SOX5: variants seen among roughly 807,000 people sequenced by gnomAD.
The protein encoded by SOX5 is transcription factor SOX-5.
SOX5 carries 9 observed loss-of-function variants against 92.0 expected under a neutral mutation model. The observed-to-expected ratio is 0.10, with a 90% CI of 0.06 to 0.17. The LOEUF is 0.17. Among genes scored for constraint, SOX5 ranks in the 10% least tolerant of loss-of-function variants. The pLI, the probability that SOX5 is intolerant of heterozygous loss-of-function variation, is 1.00. For synonymous variants in SOX5, 344 were observed against 336.3 expected (o/e 1.02, Z -0.25); for missense variants, 642 against 944.5 (o/e 0.68, Z 4.20).
chr12:24,241,270 A>C (rs1034416061), intron 3 of SOX5, among the ~76,000 whole-genome samples: 7 of 152,180 alleles, frequency 4.6e-5, no homozygotes, highest in Non-Finnish European at 7.4e-5. Context: ...TTTGGGCACA[A>C]CTTAAAATAG....
intron 6 of SOX5, among the ~76,000 whole-genome samples, chr12:23,700,924 C>G (rs1372140800): frequency 6.6e-6 from 1 of 151,304 alleles, no homozygotes; most frequent in Admixed American, 6.6e-5. Context: ...TATATATACA[C>G]ATATACATAT....
chr12:23,648,536 T>C (rs766441479), intron 7 of SOX5, among the ~76,000 whole-genome samples: 5 of 152,170 alleles, frequency 3.3e-5, no homozygotes, highest in African/African-American at 1.2e-4. Context: ...CAAATATGTC[T>C]GGTGTTCTTA....
intron 2 of SOX5, among the ~76,000 whole-genome samples, chr12:23,877,742 T>C (rs983870427): frequency 4.6e-5 from 7 of 152,064 alleles, no homozygotes; most frequent in African/African-American, 1.7e-4. Flanking sequence ...GCAGAACCTT[T>C]TTCTTGGACA....
intron 4 of SOX5, among the ~76,000 whole-genome samples, chr12:24,030,356 C>G (rs1453249336): frequency 1.3e-5 from 2 of 151,612 alleles, no homozygotes; most frequent in African/African-American, 2.4e-5. Context: ...ACACGTAGAC[C>G]AATGGGGCAT....
At chr12:23,774,713 T>C (rs1013728339) in intron 3 of SOX5, among the ~76,000 whole-genome samples, 2 of 152,144 alleles carry the variant, frequency 1.3e-5, no homozygotes, top group Non-Finnish European at 2.9e-5. Flanking sequence ...AAAAGAGCAA[T>C]TGTGCACTGA....
rs116677333 is a variant in SOX5 at position 23,666,834 on chromosome 12, A to G, written c.811-1270T>C. On this transcript the variant is annotated intron_variant, in intron 6 of 14. Transcript: ENST00000451604. ...GAAACAAATACACAAAGATAATTAC[A>G]TATTTATTCAGTCACTAATCCTAAC... Among the ~76,000 whole-genome samples, 1,079 of 152,272 alleles carry G rather than the reference A, an allele frequency of 7.1e-3. 9 individuals are homozygous for G. Among genetic ancestry groups the G allele is most frequent in the African/African-American group, 0.025 (1,031 of 41,554 alleles).
chr12:24,418,357 T>C (rs1246195548), intron 1 of SOX5, among the ~76,000 whole-genome samples: 1 of 152,214 alleles, frequency 6.6e-6, no homozygotes, highest in East Asian at 1.9e-4. Context: ...TGATTGGTTG[T>C]AAATCCAGGC....
chr12:23,958,529 A>G (rs1359333319), intron 4 of SOX5, among the ~76,000 whole-genome samples: 1 of 152,030 alleles, frequency 6.6e-6, no homozygotes, highest in Non-Finnish European at 1.5e-5. Context: ...TAAAAATACA[A>G]GGACAAAAAT....
intron 7 of SOX5, among the ~76,000 whole-genome samples, chr12:23,653,063 GA>G (rs1381545250): frequency 6.6e-6 from 1 of 151,864 alleles, no homozygotes; most frequent in Non-Finnish European, 1.5e-5. Flanking sequence ...TGGATGGATG[GA>G]TGGATGGATG....
intron 1 of SOX5, among the ~76,000 whole-genome samples, chr12:24,410,353 G>T (rs1035962551): frequency 6.6e-6 from 1 of 152,122 alleles, no homozygotes; most frequent in African/African-American, 2.4e-5. Flanking sequence ...TTTTCCTCCA[G>T]CTTTTGGTAT....
chr12:23,896,631 A>G (rs2137748253), intron 1 of SOX5, among the ~76,000 whole-genome samples: 1 of 152,112 alleles, frequency 6.6e-6, no homozygotes, highest in Non-Finnish European at 1.5e-5. Context: ...GTTAATCTTA[A>G]AACATTTGAG....
At chr12:23,715,092 G>T (rs1357288419) in intron 6 of SOX5, among the ~76,000 whole-genome samples, 3 of 152,054 alleles carry the variant, frequency 2.0e-5, no homozygotes, top group African/African-American at 2.4e-5. Flanking sequence ...GAGGTCAGGA[G>T]ATCAAGACCA....
At position 23,587,703 on chromosome 12, in the gene SOX5, G is replaced by A. The variant is rs552683037; in HGVS notation, c.1165-11865C>T. 3.1e-4 allele frequency among the ~76,000 whole-genome samples: 47 copies of A among 152,046 alleles called. No individual in the cohort carries two copies. In the Middle Eastern group the frequency reaches 0.014, roughly 44 times the overall value. ...TTTATATCAAAAGAATACATATTTC[G>A]AATAAACACCATAAACATCCTTAAC... On this transcript the variant is annotated intron_variant, in intron 9 of 14. Transcript: ENST00000451604.
rs527565802 is a variant in SOX5 at position 24,040,894 on chromosome 12, T to A, written c.-1-144870A>T. Among the ~76,000 whole-genome samples, 5 of 151,678 alleles carry A rather than the reference T, an allele frequency of 3.3e-5. No homozygotes were observed. The South Asian group carries it at 1.0e-3, about 32-fold the overall frequency. On this transcript the variant is annotated intron_variant, in intron 4 of 4. Transcript: ENST00000446891. ...TCTCAAGGAAAAAACAAAAAAAAAA[T>A]TCATTTAATGGTAGAATACTTGCTT...
At chr12:23,605,019 A>G (rs945569222) in intron 8 of SOX5, among the ~76,000 whole-genome samples, 6 of 103,430 alleles carry the variant, frequency 5.8e-5, no homozygotes, top group Non-Finnish European at 1.0e-4. Context: ...CAGAAAAGGC[A>G]CTGAAAGGCA....
At chr12:23,626,760 T>C (rs1566487621) in intron 8 of SOX5, among the ~76,000 whole-genome samples, 1 of 146,950 alleles carries the variant, frequency 6.8e-6, no homozygotes, top group Non-Finnish European at 1.5e-5. Flanking sequence ...ATAAGAAAAC[T>C]TGAGTGCTAA....
intron 1 of SOX5, among the ~76,000 whole-genome samples, chr12:24,474,532 TTTTG>T (rs1359946118): frequency 3.3e-5 from 5 of 152,166 alleles, no homozygotes; most frequent in Non-Finnish European, 7.3e-5. Context: ...TTATGACTTT[TTTTG>T]TTTGTTCGTT....
intron 1 of SOX5, among the ~76,000 whole-genome samples, chr12:24,552,147 G>T (rs1379008752): frequency 1.3e-5 from 2 of 150,388 alleles, no homozygotes; most frequent in Non-Finnish European, 3.0e-5. Flanking sequence ...GCATGTTAAT[G>T]TTTTATATAC....
chr12:24,306,805 C>A (rs1029017890), intron 2 of SOX5, among the ~76,000 whole-genome samples: 21 of 152,078 alleles, frequency 1.4e-4, no homozygotes, highest in African/African-American at 4.8e-4. Context: ...TAAATGTGAA[C>A]AAATGTCACA....
Sources: allele counts gnomAD v4.1 joint callset (sites outside exome capture counted in the v4.1 genomes callset), GRCh38; gene constraint gnomAD v4.1.1; transcripts MANE v1.5; gene names NCBI Gene and HGNC (gene_info 2026-07-23, HGNC 2026-07-21).